The following SLC44A5 variants were observed in gnomAD, a reference collection of about 807,000 sequenced individuals.
The protein encoded by SLC44A5 is solute carrier family 44 member 5.
SLC44A5 carries 57 observed loss-of-function variants against 101.8 expected under a neutral mutation model. The ratio of observed to expected loss-of-function variants is 0.56; its 90% CI spans 0.45 to 0.70. The LOEUF is 0.70. Ranked by LOEUF, SLC44A5 falls within the 30% of genes least tolerant of loss-of-function variation. SLC44A5 has a pLI of 0.00. For synonymous variants in SLC44A5, 281 were observed against 290.9 expected (o/e 0.97, Z 0.35); for missense variants, 737 against 853.1 (o/e 0.86, Z 1.70).
At chr1:75,294,807 T>C (rs1653833957) in intron 5 of SLC44A5, among the ~76,000 whole-genome samples, 1 of 152,152 alleles carries the variant, frequency 6.6e-6, no homozygotes, top group African/African-American at 2.4e-5. Context: ...TGATCTCCTT[T>C]ATATGTGAAA....
chr1:75,623,688 TAA>T, the SLC44A5 span, among the ~76,000 whole-genome samples: 16 of 152,058 alleles, frequency 1.1e-4, no homozygotes, highest in Admixed American at 2.0e-4. Flanking sequence ...TAGGACATGA[TAA>T]TATTAAGCAG....
chr1:75,213,784 G>T lies in SLC44A5; in HGVS notation c.1883C>A (p.Ala628Asp). 6.2e-7 allele frequency: 1 copy of T among 1,610,576 alleles called. No homozygotes were observed. The highest frequency in any genetic ancestry group is 8.5e-7 in the Non-Finnish European group (1 of 1,177,104). Residue 628 changes from alanine (A) to aspartate (D), a missense_variant, in exon 22 of 24, where the codon GCC (alanine) becomes GAC (aspartate). Coordinates refer to ENST00000370859, the MANE Select transcript of SLC44A5 (RefSeq NM_001130058.2). Reference protein sequence around the residue: ...LLVAGSIGVLAFLFFTQRLPV... With the variant: ...LLVAGSIGVLDFLFFTQRLPV... ...CAGTCTTTGTGTGAAGAATAGGAAG[G>T]CCAGAACACCTACATTGAAAAGGTA...
At chr1:75,717,919 T>G in the SLC44A5 span, among the ~76,000 whole-genome samples, 2 of 152,188 alleles carry the variant, frequency 1.3e-5, no homozygotes, top group Admixed American at 1.3e-4. Context: ...GAGGTAATGT[T>G]GAGGTGGTTA....
In SLC44A5 at chr1:75,461,940, C is replaced by T. The variant is rs371208478; in HGVS notation, c.14-65319G>A. ...GGCTCCCAAACAACACCTATGGACC[C>T]TCCTGGGTCCTGGAGAAAATCACAA... On this transcript the variant is annotated intron_variant, in intron 2 of 23. Transcript: ENST00000370859. Among the ~76,000 whole-genome samples the T allele has an allele frequency of 2.6e-4, 39 of 152,344 alleles. No individual in the cohort carries two copies. In the South Asian group the frequency reaches 7.9e-3, roughly 31 times the overall value.
intron 1 of SLC44A5, among the ~76,000 whole-genome samples, chr1:75,601,210 T>G (rs1674959145): frequency 6.6e-6 from 1 of 151,938 alleles, no homozygotes; most frequent in South Asian, 2.1e-4. Context: ...ATCCCTTGAG[T>G]TCATGTCATT....
chr1:75,354,541 G>A (rs1264634940), intron 3 of SLC44A5, among the ~76,000 whole-genome samples: 1 of 152,126 alleles, frequency 6.6e-6, no homozygotes, highest in Non-Finnish European at 1.5e-5. Context: ...AAAAAGCGTG[G>A]GCTCCCAGAG....
At chr1:75,392,478 G>A (rs1021794748) in intron 3 of SLC44A5, among the ~76,000 whole-genome samples, 11 of 146,030 alleles carry the variant, frequency 7.5e-5, no homozygotes, top group African/African-American at 2.5e-4. Context: ...AGTGAGAGTG[G>A]TAATTATAAA....
the SLC44A5 span, among the ~76,000 whole-genome samples, chr1:75,704,881 A>T: frequency 6.6e-6 from 1 of 152,170 alleles, no homozygotes; most frequent in Non-Finnish European, 1.5e-5. Context: ...CTTGTTTCTA[A>T]CTTAAATGGA....
intron 2 of SLC44A5, among the ~76,000 whole-genome samples, chr1:75,415,317 G>T (rs1469136452): frequency 1.3e-5 from 2 of 152,114 alleles, no homozygotes; most frequent in Non-Finnish European, 2.9e-5. Flanking sequence ...GATCTGATGG[G>T]TTTAAAAATG....
chr1:75,411,143 A>G (rs1406262048), intron 2 of SLC44A5, among the ~76,000 whole-genome samples: 1 of 152,148 alleles, frequency 6.6e-6, no homozygotes, highest in African/African-American at 2.4e-5. Context: ...AGTTTTATCT[A>G]GGTCCTTGGG....
upstream of SLC44A5, among the ~76,000 whole-genome samples, chr1:75,613,980 G>A (rs1675762058): frequency 2.0e-5 from 3 of 152,168 alleles, no homozygotes; most frequent in Admixed American, 6.5e-5. Flanking sequence ...TGGCTACCAT[G>A]TACTGTAAAA....
intron 1 of SLC44A5, among the ~76,000 whole-genome samples, chr1:75,569,326 T>C (rs1056156617): frequency 6.7e-6 from 1 of 149,922 alleles, no homozygotes; most frequent in Non-Finnish European, 1.5e-5. Context: ...CTGCAGCTTC[T>C]ACCTCCCAGG....
chr1:75,672,948 G>A, the SLC44A5 span, among the ~76,000 whole-genome samples: 3 of 152,254 alleles, frequency 2.0e-5, no homozygotes, highest in East Asian at 5.8e-4. Flanking sequence ...CTAGTCAGCA[G>A]TAGCCCAGTA....
At chr1:75,254,220 G>T (rs1361186573) in intron 6 of SLC44A5, among the ~76,000 whole-genome samples, 3 of 151,978 alleles carry the variant, frequency 2.0e-5, no homozygotes, top group Non-Finnish European at 4.4e-5. Context: ...TGTCCTTTTA[G>T]TGGAGACGTG....
At chr1:75,686,875 G>A in the SLC44A5 span, among the ~76,000 whole-genome samples, 3 of 152,158 alleles carry the variant, frequency 2.0e-5, no homozygotes, top group African/African-American at 7.2e-5. Flanking sequence ...TTGGACAATA[G>A]AGTAAATTGG....
intron 1 of SLC44A5, among the ~76,000 whole-genome samples, chr1:75,562,594 G>A (rs1672578212): frequency 6.6e-6 from 1 of 152,032 alleles, no homozygotes; most frequent in Admixed American, 6.6e-5. Flanking sequence ...GCTACTCGGG[G>A]GGAGGATTGC....
At chr1:75,513,448 T>C (rs973598392) in intron 2 of SLC44A5, among the ~76,000 whole-genome samples, 3 of 152,212 alleles carry the variant, frequency 2.0e-5, no homozygotes, top group Admixed American at 1.3e-4. Context: ...TACTAGATAA[T>C]TGGATGGAAT....
the SLC44A5 span, among the ~76,000 whole-genome samples, chr1:75,635,316 C>T: frequency 7.2e-4 from 110 of 151,962 alleles, 2 homozygotes; most frequent in East Asian, 0.016. Context: ...TGGGTATATA[C>T]CCAAAGGACT....
the SLC44A5 span, among the ~76,000 whole-genome samples, chr1:75,708,413 CAAAAAAAAA>C: frequency 7.7e-5 from 3 of 39,072 alleles, no homozygotes; most frequent in African/African-American, 3.3e-4. Context: ...GACTCCGTCT[CAAAAAAAAA>C]AAAAAAAAAA....
Sources: gnomAD v4.1 joint callset for allele counts (sites outside exome capture counted in the v4.1 genomes callset) on GRCh38, gnomAD v4.1.1 for gene constraint, MANE v1.5 for transcripts, NCBI Gene and HGNC (gene_info 2026-07-23, HGNC 2026-07-21) for gene names.